The following ARHGAP24 variants were observed in gnomAD, a reference collection of about 807,000 sequenced individuals.
ARHGAP24 encodes Rho GTPase activating protein 24, also known as rho GTPase-activating protein 24.
In ARHGAP24, 50 loss-of-function variants were observed where a neutral mutation model predicts 76.4. That is an observed-to-expected ratio of 0.65 (90% CI 0.52 to 0.83). ARHGAP24 has a LOEUF of 0.83. Among genes scored for constraint, ARHGAP24 ranks in the 40% least tolerant of loss-of-function variants. The pLI, the probability that ARHGAP24 is intolerant of heterozygous loss-of-function variation, is 0.00. For synonymous variants in ARHGAP24, 345 were observed against 323.3 expected (o/e 1.07, Z -0.72); for missense variants, 930 against 914.2 (o/e 1.02, Z -0.22).
chr4:85,903,327 A>T (rs1734602637), intron 3 of ARHGAP24, among the ~76,000 whole-genome samples: 1 of 152,160 alleles, frequency 6.6e-6, no homozygotes, highest in Non-Finnish European at 1.5e-5. Flanking sequence ...ATTAGATTTG[A>T]TTTTACTGCA....
chr4:85,493,349 G>T (rs1036395897), intron 1 of ARHGAP24, among the ~76,000 whole-genome samples: 1 of 152,174 alleles, frequency 6.6e-6, no homozygotes, highest in African/African-American at 2.4e-5. Context: ...TGTCACTATG[G>T]TGTTTGCCAA....
chr4:85,672,634 A>C (rs755488799), intron 2 of ARHGAP24, among the ~76,000 whole-genome samples: 1 of 152,138 alleles, frequency 6.6e-6, no homozygotes, highest in Admixed American at 6.5e-5. Flanking sequence ...CCAAAAAGAG[A>C]GGTATTCCTG....
At chr4:85,688,223 T>A (rs1205187537) in intron 2 of ARHGAP24, among the ~76,000 whole-genome samples, 2 of 152,196 alleles carry the variant, frequency 1.3e-5, no homozygotes, top group Admixed American at 6.5e-5. Context: ...CTCCACAGCC[T>A]CCTGAGCATC....
chr4:85,599,038 C>G (rs1719942388), intron 2 of ARHGAP24, among the ~76,000 whole-genome samples: 1 of 151,964 alleles, frequency 6.6e-6, no homozygotes, highest in African/African-American at 2.4e-5. Context: ...GTATTTTACA[C>G]TTAAAGCACA....
At chr4:85,652,262 G>T (rs1721973242) in intron 2 of ARHGAP24, among the ~76,000 whole-genome samples, 1 of 152,104 alleles carries the variant, frequency 6.6e-6, no homozygotes, top group African/African-American at 2.4e-5. Context: ...CAGCAAAAGT[G>T]ATAATGATTT....
intron 1 of ARHGAP24, among the ~76,000 whole-genome samples, chr4:85,505,162 T>G (rs541784661): frequency 6.6e-6 from 1 of 152,208 alleles, no homozygotes; most frequent in African/African-American, 2.4e-5. Flanking sequence ...CATTTTTTCC[T>G]TCATTTCAAC....
chr4:85,881,934 T>C (rs1358736579), intron 3 of ARHGAP24, among the ~76,000 whole-genome samples: 2 of 152,210 alleles, frequency 1.3e-5, no homozygotes, highest in Non-Finnish European at 2.9e-5. Context: ...TAGTAACTCA[T>C]CCAATAATGT....
At chr4:85,479,582 AAATT>A (rs1462670961) in intron 1 of ARHGAP24, among the ~76,000 whole-genome samples, 1 of 152,166 alleles carries the variant, frequency 6.6e-6, no homozygotes, top group East Asian at 1.9e-4. Flanking sequence ...TGCTTGAGGG[AAATT>A]AATTAAAGGA....
rs182072889 is a variant in ARHGAP24 at position 85,666,433 on chromosome 4, G to T, written c.181-55452G>T. Among the ~76,000 whole-genome samples the T allele has an allele frequency of 6.1e-3, 921 of 152,126 alleles. 8 individuals carry two copies. Among genetic ancestry groups the T allele is most frequent in the Non-Finnish European group, 0.01 (693 of 67,992 alleles). On this transcript the variant is annotated intron_variant, in intron 2 of 9. Coordinates refer to ENST00000395184, the MANE Select transcript of ARHGAP24 (RefSeq NM_001025616.3). The stretch of plus-strand genomic sequence containing the variant: ...AAAATTTTTAACTTCTTTGCCTTTG[G>T]TTTGAATTTCCTCCTGTAGCTCAGA...
chr4:85,849,886 C>T (rs547898407), intron 3 of ARHGAP24, among the ~76,000 whole-genome samples: 112 of 152,160 alleles, frequency 7.4e-4, no homozygotes, highest in African/African-American at 2.0e-3. Flanking sequence ...CGATGTTCAT[C>T]GGGGATATTG....
chr4:85,991,798 G>A (rs11724681), intron 8 of ARHGAP24: 134,308 of 197,602 alleles, frequency 0.68, 45,868 homozygotes, highest in African/African-American at 0.74. Flanking sequence ...ATCATCAGGT[G>A]TCTTACAGAT....
intron 1 of ARHGAP24, among the ~76,000 whole-genome samples, chr4:85,507,454 C>A (rs1724108424): frequency 6.6e-6 from 1 of 152,146 alleles, no homozygotes; most frequent in African/African-American, 2.4e-5. Context: ...CATCTCAAAG[C>A]TTTTGGTGCC....
intron 3 of ARHGAP24, among the ~76,000 whole-genome samples, chr4:85,727,151 C>T (rs1193877925): frequency 6.6e-6 from 1 of 151,972 alleles, no homozygotes; most frequent in Non-Finnish European, 1.5e-5. Flanking sequence ...ACCCAGGAGG[C>T]GGAGGTTGTG....
At chr4:85,875,665 CAT>C (rs1461022395) in intron 3 of ARHGAP24, among the ~76,000 whole-genome samples, 17 of 117,456 alleles carry the variant, frequency 1.4e-4, no homozygotes, top group Non-Finnish European at 2.5e-4. Context: ...TATAATATAA[CAT>C]AAAATTTATA....
intron 3 of ARHGAP24, among the ~76,000 whole-genome samples, chr4:85,866,762 A>G (rs1043855399): frequency 2.0e-5 from 3 of 152,076 alleles, no homozygotes; most frequent in Non-Finnish European, 4.4e-5. Flanking sequence ...ATGGAGACAT[A>G]ACCAAGGCAT....
At chr4:85,784,419 A>G (rs534416813) in intron 3 of ARHGAP24, among the ~76,000 whole-genome samples, 16 of 151,998 alleles carry the variant, frequency 1.1e-4, no homozygotes, top group Admixed American at 3.9e-4. Context: ...AATTTCATAT[A>G]GGCCTATGGC....
At chr4:85,874,892 AT>A (rs1209468670) in intron 3 of ARHGAP24, among the ~76,000 whole-genome samples, 36 of 47,732 alleles carry the variant, frequency 7.5e-4, no homozygotes, top group African/African-American at 2.1e-3. Context: ...ATATAAATAT[AT>A]TTTATATAAT....
rs1286165929 is a variant in ARHGAP24 at position 85,685,244 on chromosome 4, T to C, written c.181-36641T>C. Among the ~76,000 whole-genome samples the C allele has an allele frequency of 2.6e-5, 4 of 152,212 alleles. No homozygotes were observed. The South Asian group carries it at 6.2e-4, about 24-fold the overall frequency. ...GTATATTTTTCAACCTTATAACTCC[T>C]GCCTTGCTGCCAAACACTCTGCCAC... On this transcript the variant is annotated intron_variant, in intron 2 of 9. Transcript: ENST00000395184.
At chr4:85,999,692 G>T (rs1035394365) in intron 9 of ARHGAP24, among the ~76,000 whole-genome samples, 1 of 152,036 alleles carries the variant, frequency 6.6e-6, no homozygotes, top group African/African-American at 2.4e-5. Flanking sequence ...TATATGATTT[G>T]GATCTTAGTG....
Sources: allele counts gnomAD v4.1 joint callset (sites outside exome capture counted in the v4.1 genomes callset), GRCh38; gene constraint gnomAD v4.1.1; transcripts MANE v1.5; gene names NCBI Gene and HGNC (gene_info 2026-07-23, HGNC 2026-07-21).